The following ZFP90 variants were observed in gnomAD, a reference collection of about 807,000 sequenced individuals.
ZFP90 encodes ZFP90 zinc finger protein, also known as zinc finger protein 90 homolog.
ZFP90 carries 38 observed loss-of-function variants against 60.8 expected under a neutral mutation model. The ratio of observed to expected loss-of-function variants is 0.62; its 90% CI spans 0.48 to 0.82. ZFP90 has a LOEUF of 0.82. Among genes scored for constraint, ZFP90 ranks in the 40% least tolerant of loss-of-function variants. ZFP90 has a pLI of 0.00. For missense variants in ZFP90, 711 were observed against 759.1 expected, an observed-to-expected ratio of 0.94 and a Z score of 0.74; for synonymous variants, 287 against 264.8, an observed-to-expected ratio of 1.08 and a Z score of -0.82.
intron 3 of ZFP90, 117 bp from the exon 4 acceptor site, chr16:68,558,356 C>A: frequency 2.6e-6 from 3 of 1,160,724 alleles, no homozygotes; most frequent in Non-Finnish European, 3.8e-6. Context: ...CCTTAAGTTG[C>A]ACCTTTTTTT....
chr16:68,533,769 T>C (rs2090942639), exon 2 of ZFP90: 1 of 152,140 alleles, frequency 6.6e-6, no homozygotes, highest in Non-Finnish European at 1.5e-5. Flanking sequence ...ACCTCCCAGG[T>C]TCAAGCCATC....
Position 68,540,966 on chromosome 16 carries a change from T to C in ZFP90, c.33+1141T>C, listed in dbSNP as rs1363232889. Among the ~76,000 whole-genome samples, 5 of 145,858 alleles carry C rather than the reference T, an allele frequency of 3.4e-5. No homozygotes were observed. In the Admixed American group the frequency reaches 3.5e-4, roughly 10 times the overall value. ...TCTTGTCACCCAGTCTGGAGTACAG[T>C]GACATGATCTTGGCTCACTGCAACC... On this transcript the variant is annotated intron_variant, in intron 2 of 4. Coordinates refer to ENST00000563169, the MANE Select transcript of ZFP90 (RefSeq NM_001305203.2).
At chr16:68,552,446 GGA>G (rs1223304351) in intron 2 of ZFP90, among the ~76,000 whole-genome samples, 1 of 152,172 alleles carries the variant, frequency 6.6e-6, no homozygotes, top group South Asian at 2.1e-4. Flanking sequence ...TGCTGGGATG[GGA>G]GGGGGACACA....
exon 3 of ZFP90, chr16:68,575,857 C>G: frequency 5.0e-6 from 2 of 398,284 alleles, no homozygotes; most frequent in Non-Finnish European, 8.8e-6. Flanking sequence ...CAGAAACTTC[C>G]AAGAAAGAAT....
rs1479556958 is a variant in ZFP90, at chr16:68,539,769, G to A, written c.-24G>A. On this transcript the variant is annotated 5_prime_UTR_variant, in exon 2 of 5. Transcript: ENST00000563169. ...TCCTTTCTCCCCAGCTCCTGCCCCG[G>A]AGCCGGGCCCTGGCGAGGCAGGAAT... 6.3e-7 allele frequency: 1 copy of A among 1,578,960 alleles called. No homozygotes were observed. Among genetic ancestry groups the A allele is most frequent in the Non-Finnish European group, 8.6e-7 (1 of 1,163,156 alleles).
downstream of ZFP90, among the ~76,000 whole-genome samples, chr16:68,569,141 T>TTTTTC (rs1351190717): frequency 7.0e-6 from 1 of 141,882 alleles, no homozygotes; most frequent in East Asian, 2.0e-4. Context: ...TCCCACTTTT[T>TTTTTC]TTTTTTTTTT....
rs184859531 is a variant in ZFP90 at position 68,564,673 on chromosome 16, G to T, written c.1886G>T (p.Arg629Ile). 7 of 1,609,706 alleles carry T rather than the reference G, an allele frequency of 4.3e-6. No homozygotes were observed. Among genetic ancestry groups the T allele is most frequent in the South Asian group, 2.2e-5 (2 of 89,882 alleles). The change falls in exon 5 of 5, where the codon AGA becomes ATA. Residue 629 changes from arginine to isoleucine, a missense_variant. Arg to Ile is a moderately conservative substitution (Grantham distance 97). Transcript: ENST00000563169. Reference protein sequence around the residue: ...SRSSALTKHQRIHTRNKL With the variant: ...SRSSALTKHQIIHTRNKL ...AGTTCAGCTCTTACTAAACACCAGA[G>T]AATTCATACTCGAAATAAACTCTAG... is the stretch of plus-strand genomic sequence containing the variant.
In ZFP90 at chr16:68,566,498, C is replaced by CT; in HGVS notation, c.*1803dup. Reference sequence around the variant, plus strand: ...CAGCAGCACCCAAGTATTCTTCATTCTTTGCAGGGAAAAAATTGTGCATGG... The same window carrying CT: ...CAGCAGCACCCAAGTATTCTTCATTCTTTTGCAGGGAAAAAATTGTGCATGG... On this transcript the variant is annotated 3_prime_UTR_variant, in exon 5 of 5. Coordinates refer to ENST00000563169, the MANE Select transcript of ZFP90 (RefSeq NM_001305203.2). The CT allele has an allele frequency of 4.1e-6, 4 of 985,546 alleles. No individual in the cohort carries two copies. The highest frequency in any genetic ancestry group is 4.8e-6 in the Non-Finnish European group (4 of 829,932). 61.1% of individuals were successfully genotyped at this position (985,546 alleles called of 1,614,324 possible).
At chr16:68,555,599 A>G (rs955215977) in intron 2 of ZFP90, among the ~76,000 whole-genome samples, 1 of 152,210 alleles carries the variant, frequency 6.6e-6, no homozygotes, top group African/African-American at 2.4e-5. Context: ...AAAACAACCA[A>G]AAGTATTATC....
downstream of ZFP90, among the ~76,000 whole-genome samples, chr16:68,568,579 GAA>G (rs1257146826): frequency 6.6e-6 from 1 of 152,160 alleles, no homozygotes; most frequent in Non-Finnish European, 1.5e-5. Flanking sequence ...CCCTTGTGAG[GAA>G]AAGAGACACA....
Position 68,557,885 on chromosome 16 carries a change from A to C in ZFP90, c.34-113A>C, listed in dbSNP as rs566338465. 1.6e-5 allele frequency: 23 copies of C among 1,422,156 alleles called. No individual in the cohort carries two copies. The Admixed American group carries it at 4.1e-4, about 26-fold the overall frequency. The allele number at this position is 1,422,156 out of a possible 1,614,324, so 88.1% of individuals were successfully genotyped here. On this transcript the variant is annotated intron_variant, in intron 2 of 4. Coordinates refer to ENST00000563169, the MANE Select transcript of ZFP90 (RefSeq NM_001305203.2). ...TTATGTAACCCAACATTGCCTCCTC[A>C]ATCTAACAAATGTGTGATCACCACT...
intron 2 of ZFP90, among the ~76,000 whole-genome samples, chr16:68,552,461 C>G (rs979423042): frequency 1.3e-5 from 2 of 151,986 alleles, no homozygotes; most frequent in African/African-American, 4.8e-5. Context: ...GGGACACAGC[C>G]CAGACCTGGG....
In ZFP90 at chr16:68,566,989, T is replaced by C. The variant is rs966167332; in HGVS notation, c.*2291T>C. 2.7e-5 allele frequency: 27 copies of C among 985,466 alleles called. No individual in the cohort carries two copies. The African/African-American group carries it at 4.0e-4, about 15-fold the overall frequency. The allele number at this position is 985,466 out of a possible 1,614,324, so 61.0% of individuals were successfully genotyped here. Reference sequence around the variant, plus strand: ...TGACAGGGAGGGAGCCCAGGACATATGTGTGGCTCATTGACCAGAAGGCTT... The same window carrying C: ...TGACAGGGAGGGAGCCCAGGACATACGTGTGGCTCATTGACCAGAAGGCTT... On this transcript the variant is annotated 3_prime_UTR_variant, in exon 5 of 5. Coordinates refer to ENST00000563169, the MANE Select transcript of ZFP90 (RefSeq NM_001305203.2).
upstream of ZFP90, among the ~76,000 whole-genome samples, chr16:68,536,841 A>G (rs2090964185): frequency 1.3e-5 from 2 of 152,140 alleles, no homozygotes; most frequent in Admixed American, 6.5e-5. Flanking sequence ...TTATTCTCTC[A>G]TAGTAATAAG....
In ZFP90 at chr16:68,566,185, G is replaced by T. The variant is rs1412536659; in HGVS notation, c.*1487G>T. 2 of 985,380 alleles carry T rather than the reference G, an allele frequency of 2.0e-6. No homozygotes were observed. The highest frequency in any genetic ancestry group is 3.5e-5 in the African/African-American group (2 of 57,194). The allele number at this position is 985,380 out of a possible 1,614,324, so 61.0% of individuals were successfully genotyped here. A position where few individuals can be genotyped will look rare whatever the true frequency, so the allele number is the denominator to read the frequency against. ...TTTCTATTAGTAAAGCATCAGCTAA[G>T]CTTCAGTGGCCTGCTCCATCCCCTA... On this transcript the variant is annotated 3_prime_UTR_variant, in exon 5 of 5. Coordinates refer to ENST00000563169, the MANE Select transcript of ZFP90 (RefSeq NM_001305203.2).
chr16:68,566,653 A>G lies in ZFP90; in HGVS notation c.*1955A>G. ...ACCTTGTTTATGGTGCACCATGATT[A>G]GCTCACACACAATGCCAAGGCTGTG... On this transcript the variant is annotated 3_prime_UTR_variant, in exon 5 of 5. Transcript: ENST00000563169. 1 of 985,586 alleles carries G rather than the reference A, an allele frequency of 1.0e-6. No individual in the cohort carries two copies. 61.1% of individuals were successfully genotyped at this position (985,586 alleles called of 1,614,324 possible). A position where few individuals can be genotyped will look rare whatever the true frequency, so the allele number is the denominator to read the frequency against.
At chr16:68,567,701 C>T (rs1235576837), downstream of ZFP90, among the ~76,000 whole-genome samples, 1 of 152,196 alleles carries the variant, frequency 6.6e-6, no homozygotes, top group African/African-American at 2.4e-5. Context: ...CCTTGGGATT[C>T]AGGAAGCTCC....
chr16:68,548,188 C>T (rs1055555053), intron 2 of ZFP90, among the ~76,000 whole-genome samples: 7 of 152,146 alleles, frequency 4.6e-5, no homozygotes, highest in Admixed American at 2.6e-4. Context: ...AGAAAGCACT[C>T]TCTTGGATGG....
chr16:68,570,275 A>G (rs959275476), downstream of ZFP90, among the ~76,000 whole-genome samples: 2 of 152,094 alleles, frequency 1.3e-5, no homozygotes, highest in African/African-American at 4.8e-5. Context: ...TTTCAGTCCT[A>G]TTGATGCAGG....
Sources: allele counts gnomAD v4.1 joint callset (sites outside exome capture counted in the v4.1 genomes callset), GRCh38; gene constraint gnomAD v4.1.1; transcripts MANE v1.5; gene names NCBI Gene and HGNC (gene_info 2026-07-23, HGNC 2026-07-21).